The following HECW2 variants were observed in gnomAD, a reference collection of about 807,000 sequenced individuals.
The protein encoded by HECW2 is E3 ubiquitin-protein ligase HECW2.
HECW2 carries 61 observed loss-of-function variants against 175.2 expected under a neutral mutation model. That is an observed-to-expected ratio of 0.35 (90% CI 0.28 to 0.43). The LOEUF is 0.43. Among genes scored for constraint, HECW2 ranks in the 20% least tolerant of loss-of-function variants. The pLI is 1.00. For missense variants in HECW2, 1,524 were observed against 2,000.5 expected (o/e 0.76, Z 4.54); for synonymous variants, 671 against 731.0 (o/e 0.92, Z 1.32).
Position 196,318,836 on chromosome 2 carries a change from G to A in HECW2, c.2054C>T (p.Ala685Val). 1 of 1,546,814 alleles carries A rather than the reference G, an allele frequency of 6.5e-7. No homozygotes were observed. Among genetic ancestry groups the A allele is most frequent in the Non-Finnish European group, 8.7e-7 (1 of 1,146,200 alleles). The change falls in exon 9 of 29, where the codon GCA (alanine) becomes GTA (valine). Residue 685 changes from alanine (A) to valine (V), a missense_variant. Around this residue, in one of 11 missense-constraint regions of HECW2, gnomAD observed 604 missense variants for 588.3 expected, o/e 1.03. Coordinates refer to ENST00000644978, the MANE Select transcript of HECW2 (RefSeq NM_001348768.2). ...SSQEEEDGAC[A>V]AEPTSSGPAE... is the part of the protein sequence containing the mutation. ...AGGGCCACTGCTGGTGGGCTCTGCT[G>A]CACAGGCTCCGTCTTCCTCCTCCTG...
rs1419763782 is a variant in HECW2 at position 196,257,860 on chromosome 2, G to A, written c.3382C>T (p.Arg1128Cys). Residue 1128 changes from arginine (R) to cysteine (C), a missense_variant, in exon 18 of 29, where the codon CGC (arginine) becomes TGC (cysteine). Arg to Cys is a radical substitution (Grantham distance 180, BLOSUM62 -3). Transcript: ENST00000644978. ...IRTEGTPGLV[R>C]LSSDADLVML... Reference sequence around the variant, plus strand: ...ACAAGGTCTGCATCGCTTGAAAGGCGCACCAATCCTGGAGTCCCTTCAGTT... The same window carrying A: ...ACAAGGTCTGCATCGCTTGAAAGGCACACCAATCCTGGAGTCCCTTCAGTT... 9.9e-6 allele frequency: 16 copies of A among 1,613,874 alleles called. No homozygotes were observed. The highest frequency in any genetic ancestry group is 2.7e-5 in the African/African-American group (2 of 74,928).
intron 19 of HECW2, among the ~76,000 whole-genome samples, chr2:196,246,651 A>G (rs1575287838): frequency 6.6e-6 from 1 of 152,020 alleles, no homozygotes; most frequent in Admixed American, 6.5e-5. Flanking sequence ...CAGCCTCCCA[A>G]AGTGGTGGGA....
intron 2 of HECW2, among the ~76,000 whole-genome samples, chr2:196,352,878 T>C (rs920540955): frequency 6.6e-6 from 1 of 152,236 alleles, no homozygotes; most frequent in African/African-American, 2.4e-5. Flanking sequence ...CATGGCCCAG[T>C]ATACCAGATA....
chr2:196,427,820 T>C (rs1444238367), intron 2 of HECW2, among the ~76,000 whole-genome samples: 1 of 152,144 alleles, frequency 6.6e-6, no homozygotes, highest in East Asian at 1.9e-4. Context: ...AAGGAGGAAA[T>C]ATAATTAGCA....
rs532916300 is a variant in HECW2, at chr2:196,222,385, T to A, written c.4017-45A>T. On this transcript the variant is annotated intron_variant, in intron 23 of 28. Coordinates refer to ENST00000644978, the MANE Select transcript of HECW2 (RefSeq NM_001348768.2). ...GAAACAAATATGTAGGCATGGCTATTAGCAAAAACCCAGAGTCATAAGGAA... is the reference window on the plus strand; with the variant it reads ...GAAACAAATATGTAGGCATGGCTATAAGCAAAAACCCAGAGTCATAAGGAA... 1.1e-4 allele frequency: 175 copies of A among 1,590,332 alleles called. No individual in the cohort carries two copies. The Middle Eastern group carries it at 2.1e-3, about 19-fold the overall frequency.
Position 196,508,480 on chromosome 2 carries a change from T to C in HECW2, c.-35-75022A>G, listed in dbSNP as rs150952563. Reference sequence around the variant, plus strand: ...CTGAAGCTGATGAGCAGGAAATGTTTGACTTTCAAAGTTCACGGATTATAA... The same window carrying C: ...CTGAAGCTGATGAGCAGGAAATGTTCGACTTTCAAAGTTCACGGATTATAA... On this transcript the variant is annotated intron_variant, in intron 1 of 28. Transcript: ENST00000644978. 3.3e-3 allele frequency among the ~76,000 whole-genome samples: 506 copies of C among 152,346 alleles called. 2 individuals are homozygous for C. Among genetic ancestry groups the C allele is most frequent in the African/African-American group, 0.01 (422 of 41,574 alleles).
chr2:196,308,162 GT>G lies in HECW2; in HGVS notation c.2435-78del, dbSNP rs1489257170. 3 of 1,156,234 alleles carry G rather than the reference GT, an allele frequency of 2.6e-6. No homozygotes were observed. The East Asian group carries it at 8.0e-5, about 31-fold the overall frequency. 71.6% of individuals were successfully genotyped at this position (1,156,234 alleles called of 1,614,324 possible). On this transcript the variant is annotated intron_variant, in intron 10 of 28. Transcript: ENST00000644978. ...TAATAGGGTTCATTAAGTTTGGCAT[GT>G]GTTTTCTTTCTCTGACATGCTATAA...
chr2:196,466,624 T>C (rs1696965392), intron 1 of HECW2, among the ~76,000 whole-genome samples: 5 of 152,230 alleles, frequency 3.3e-5, no homozygotes, highest in Admixed American at 3.3e-4. Flanking sequence ...TCAGATTGTT[T>C]GAAATTCTCC....
intron 1 of HECW2, among the ~76,000 whole-genome samples, chr2:196,450,509 G>A (rs1197643449): frequency 4.1e-5 from 3 of 73,750 alleles, no homozygotes; most frequent in African/African-American, 1.6e-4. Context: ...TTTTTTTTTT[G>A]AGATGGAGTT....
chr2:196,486,140 C>T (rs559262721), intron 1 of HECW2, among the ~76,000 whole-genome samples: 1 of 152,188 alleles, frequency 6.6e-6, no homozygotes, highest in African/African-American at 2.4e-5. Flanking sequence ...CTACGTGGAA[C>T]ATGTCTGGTA....
At chr2:196,492,397 C>G (rs1459416008) in intron 1 of HECW2, among the ~76,000 whole-genome samples, 2 of 152,148 alleles carry the variant, frequency 1.3e-5, no homozygotes, top group African/African-American at 4.8e-5. Context: ...GTTACTCCCA[C>G]AAACCACAGG....
At chr2:196,362,124 T>C in intron 2 of HECW2, 2 of 985,264 alleles carry the variant, frequency 2.0e-6, no homozygotes, top group Non-Finnish European at 2.4e-6. Flanking sequence ...TGAATGACAC[T>C]AAAAGCCACT....
intron 3 of HECW2, among the ~76,000 whole-genome samples, chr2:196,343,152 C>G (rs945051961): frequency 5.3e-5 from 8 of 151,890 alleles, no homozygotes; most frequent in Non-Finnish European, 8.8e-5. Flanking sequence ...GGATTCGTTC[C>G]AAGACCCCCA....
intron 1 of HECW2, among the ~76,000 whole-genome samples, chr2:196,457,204 C>T (rs1418245188): frequency 2.0e-5 from 3 of 152,204 alleles, no homozygotes; most frequent in East Asian, 1.9e-4. Context: ...AAGCTTTGAT[C>T]ACATCAAGTT....
At chr2:196,522,617 A>G (rs1341452199) in intron 1 of HECW2, among the ~76,000 whole-genome samples, 1 of 152,070 alleles carries the variant, frequency 6.6e-6, no homozygotes, top group African/African-American at 2.4e-5. Context: ...GTTAGGTCTA[A>G]CGTTTAAATC....
At chr2:196,249,780 C>T (rs939573378) in intron 19 of HECW2, among the ~76,000 whole-genome samples, 9 of 152,088 alleles carry the variant, frequency 5.9e-5, no homozygotes, top group African/African-American at 2.2e-4. Context: ...GCTGTACAAC[C>T]CAGTTTCAAG....
chr2:196,292,477 G>T, intron 14 of HECW2, 88 bp downstream of exon 14: 2 of 1,095,856 alleles, frequency 1.8e-6, no homozygotes, highest in Non-Finnish European at 2.7e-6. Context: ...AAGAGCCTTG[G>T]CCCTCACTTG....
chr2:196,551,264 C>T (rs1689593897), intron 1 of HECW2, among the ~76,000 whole-genome samples: 2 of 152,168 alleles, frequency 1.3e-5, no homozygotes, highest in Admixed American at 1.3e-4. Context: ...AAGAGACACA[C>T]CCACTTCATT....
chr2:196,204,592 C>A (rs1686999860), intron 28 of HECW2, among the ~76,000 whole-genome samples: 1 of 152,188 alleles, frequency 6.6e-6, no homozygotes, highest in African/African-American at 2.4e-5. Flanking sequence ...TTGATTTCAG[C>A]CTTGTGAGAC....
Sources: allele counts gnomAD v4.1 joint callset (sites outside exome capture counted in the v4.1 genomes callset), GRCh38; gene constraint gnomAD v4.1.1; regional missense constraint gnomAD v4.1.1; transcripts MANE v1.5; gene names NCBI Gene and HGNC (gene_info 2026-07-23, HGNC 2026-07-21).